Variants in PROS1 observed in about 807,000 individuals in gnomAD.
PROS1 encodes vitamin K-dependent protein S.
A neutral mutation model predicts 75.9 loss-of-function variants in PROS1; 29 were observed. That is an observed-to-expected ratio of 0.38 (90% confidence interval 0.28 to 0.52). The LOEUF (loss-of-function observed/expected upper bound fraction) is 0.52. PROS1 is among the 20% of genes least tolerant of loss of function. The pLI, the probability that PROS1 is intolerant of heterozygous loss-of-function variation, is 0.83. For synonymous variants in PROS1, 245 were observed against 280.6 expected, an observed-to-expected ratio of 0.87 and a Z score of 1.27; for missense variants, 680 against 810.3, an observed-to-expected ratio of 0.84 and a Z score of 1.95.
chr3:93,875,639 T>C (rs1708171812), intron 14 of PROS1, among the ~76,000 whole-genome samples: 1 of 127,938 alleles, frequency 7.8e-6, no homozygotes, highest in Non-Finnish European at 1.7e-5. Context: ...TCTATCTATC[T>C]ATCTATCTAT....
At chr3:93,954,422 C>T (rs1335129176) in intron 1 of PROS1, among the ~76,000 whole-genome samples, 3 of 152,122 alleles carry the variant, frequency 2.0e-5, no homozygotes, top group African/African-American at 7.2e-5. Flanking sequence ...AATAATACCA[C>T]ACATCTACAA....
chr3:93,940,638 C>A (rs1709269604), intron 1 of PROS1, among the ~76,000 whole-genome samples: 1 of 152,048 alleles, frequency 6.6e-6, no homozygotes, highest in Admixed American at 6.6e-5. Flanking sequence ...CCAAAGCCTC[C>A]TTCACATCTT....
Position 93,973,658 on chromosome 3 carries a change from G to T in PROS1, c.76+16C>A, listed in dbSNP as rs1210582023. ...CAATGCTGGGGAAGGGAGAAGAGAC[G>T]CTATTGATTACTCACAGTTTGCCTC... is the stretch of plus-strand genomic sequence containing the variant. On this transcript the variant is annotated intron_variant, in intron 1 of 14. Coordinates refer to ENST00000394236, the MANE Select transcript of PROS1 (RefSeq NM_000313.4). 1.2e-6 allele frequency: 2 copies of T among 1,612,240 alleles called. No homozygotes were observed. Among genetic ancestry groups the T allele is most frequent in the Non-Finnish European group, 1.7e-6 (2 of 1,178,618 alleles).
At chr3:93,884,521 C>A (rs571931561) in intron 12 of PROS1, among the ~76,000 whole-genome samples, 71 of 152,236 alleles carry the variant, frequency 4.7e-4, no homozygotes, top group African/African-American at 1.6e-3. Context: ...CCTGAAATAA[C>A]AACACAAGCA....
chr3:93,887,075 C>T lies in PROS1; in HGVS notation c.1156-572G>A, dbSNP rs929943135. Among the ~76,000 whole-genome samples, 63 of 151,728 alleles carry T rather than the reference C, an allele frequency of 4.2e-4. 1 individual carries two copies. Among genetic ancestry groups the T allele is most frequent in the African/African-American group, 1.4e-3 (59 of 41,434 alleles). On this transcript the variant is annotated intron_variant, in intron 10 of 14. Transcript: ENST00000394236. Reference sequence around the variant, plus strand: ...CTGGGACTACAGGCGCCCGCCACTGCGCCCGGCTAATTTTTTGTATTTTTA... The same window carrying T: ...CTGGGACTACAGGCGCCCGCCACTGTGCCCGGCTAATTTTTTGTATTTTTA...
At chr3:93,927,466 T>A in intron 1 of PROS1, 59 bp from the exon 2 acceptor site, 2 of 1,533,480 alleles carry the variant, frequency 1.3e-6, no homozygotes, top group South Asian at 2.4e-5. Context: ...ATATATTGTT[T>A]TATTAAACAA....
At chr3:93,919,453 A>ATTTGT (rs1468447634) in intron 3 of PROS1, among the ~76,000 whole-genome samples, 1 of 133,162 alleles carries the variant, frequency 7.5e-6, no homozygotes, top group Non-Finnish European at 1.7e-5. Context: ...ATTGATCCTT[A>ATTTGT]TTTGTTTTTC....
intron 9 of PROS1, among the ~76,000 whole-genome samples, chr3:93,893,912 C>G (rs536947046): frequency 3.4e-4 from 51 of 152,060 alleles, no homozygotes; most frequent in Non-Finnish European, 6.6e-4. Flanking sequence ...GTAGCTATTA[C>G]AGGGGAGAAA....
At chr3:93,899,799 C>G (rs1012028649) in intron 7 of PROS1, among the ~76,000 whole-genome samples, 2 of 152,132 alleles carry the variant, frequency 1.3e-5, no homozygotes, top group African/African-American at 4.8e-5. Context: ...AAACTCACTG[C>G]TTAATGGTTA....
intron 1 of PROS1, among the ~76,000 whole-genome samples, chr3:93,934,527 A>G (rs958742012): frequency 6.6e-6 from 1 of 152,252 alleles, no homozygotes; most frequent in Admixed American, 6.5e-5. Flanking sequence ...GGAATGGGTT[A>G]AAGAACATTC....
At chr3:93,930,592 G>T (rs941933989) in intron 1 of PROS1, among the ~76,000 whole-genome samples, 2 of 152,050 alleles carry the variant, frequency 1.3e-5, no homozygotes, top group Non-Finnish European at 2.9e-5. Flanking sequence ...CTCTTTCCCC[G>T]TATGGGCCCC....
chr3:93,910,495 G>C, intron 4 of PROS1, 124 bp downstream of exon 4: 1 of 786,870 alleles, frequency 1.3e-6, no homozygotes, highest in Non-Finnish European at 2.2e-6. Flanking sequence ...ATACTTCCTT[G>C]CTGGGCATAC....
intron 3 of PROS1, among the ~76,000 whole-genome samples, chr3:93,922,553 A>G (rs535108254): frequency 1.3e-5 from 2 of 152,342 alleles, no homozygotes; most frequent in African/African-American, 4.8e-5. Flanking sequence ...CCTGAAAACG[A>G]AGTCTAAATA....
intron 1 of PROS1, among the ~76,000 whole-genome samples, chr3:93,934,959 C>T (rs1268711578): frequency 6.6e-6 from 1 of 151,734 alleles, no homozygotes; most frequent in Non-Finnish European, 1.5e-5. Context: ...GTCACTCTGG[C>T]GTTGTTTCCA....
intron 1 of PROS1, among the ~76,000 whole-genome samples, chr3:93,964,937 AT>A (rs1398051722): frequency 1.9e-4 from 29 of 152,230 alleles, no homozygotes; most frequent in Admixed American, 9.2e-4. Context: ...CCAACTAAGA[AT>A]CCCTAAGCCT....
intron 3 of PROS1, among the ~76,000 whole-genome samples, chr3:93,916,246 C>A (rs1446160087): frequency 6.6e-6 from 1 of 152,152 alleles, no homozygotes; most frequent in Admixed American, 6.5e-5. Context: ...GAATCATCTA[C>A]TTTCAGACTT....
At chr3:93,933,840 C>T (rs547497327) in intron 1 of PROS1, among the ~76,000 whole-genome samples, 7 of 152,022 alleles carry the variant, frequency 4.6e-5, no homozygotes, top group South Asian at 2.1e-4. Flanking sequence ...GAAACCCCGT[C>T]TCTACTAAAA....
At chr3:93,889,797 A>G (rs1311061498) in intron 10 of PROS1, among the ~76,000 whole-genome samples, 1 of 152,182 alleles carries the variant, frequency 6.6e-6, no homozygotes, top group Admixed American at 6.5e-5. Flanking sequence ...TCACCTCAGG[A>G]TCACAACTGT....
At chr3:93,957,717 C>T (rs1218665630) in intron 1 of PROS1, among the ~76,000 whole-genome samples, 5 of 152,068 alleles carry the variant, frequency 3.3e-5, no homozygotes, top group African/African-American at 7.2e-5. Context: ...GCTCCAGGAC[C>T]CCGGCAGATA....
Sources: gnomAD v4.1 joint callset for allele counts (sites outside exome capture counted in the v4.1 genomes callset) on GRCh38, gnomAD v4.1.1 for gene constraint, MANE v1.5 for transcripts, NCBI Gene and HGNC (gene_info 2026-07-23, HGNC 2026-07-21) for gene names.